GPSM1: variants seen among roughly 807,000 people sequenced by gnomAD.
The protein encoded by GPSM1 is G protein-signaling modulator 1.
Under a neutral mutation model 70.5 loss-of-function variants are expected in GPSM1, and 48 were observed. The ratio of observed to expected loss-of-function variants is 0.68; its 90% CI spans 0.54 to 0.87. GPSM1 has a LOEUF of 0.87. Ranked by LOEUF, GPSM1 falls within the 40% of genes least tolerant of loss-of-function variation. GPSM1 has a pLI of 0.00. For missense variants in GPSM1, 981 were observed against 972.6 expected, an observed-to-expected ratio of 1.01 and a Z score of -0.11; for synonymous variants, 416 against 430.1, an observed-to-expected ratio of 0.97 and a Z score of 0.41.
At chr9:136,337,816 G>A in intron 5 of GPSM1, 30 bp from the exon 6 acceptor site, 2 of 1,544,538 alleles carry the variant, frequency 1.3e-6, no homozygotes. Flanking sequence ...GCTGCGCCAT[G>A]ACCACCTGGC....
In GPSM1 at chr9:136,353,155, C is replaced by T. The variant is rs1026921159; in HGVS notation, c.1456-2535C>T. On this transcript the variant is annotated intron_variant, in intron 11 of 13. Transcript: ENST00000440944. ...TGCTGTGGAGACAGCCTGTGATCCG[C>T]GTGAGTCTGGGGTCCCTGGGGTCCT... The T allele has an allele frequency of 1.2e-4, 114 of 977,418 alleles. No individual in the cohort carries two copies. The African/African-American group carries it at 1.6e-3, about 13-fold the overall frequency. 60.5% of individuals were successfully genotyped at this position (977,418 alleles called of 1,614,324 possible).
Position 136,342,633 on chromosome 9 carries a change from C to G in GPSM1, c.1207+1640C>G, listed in dbSNP as rs1392177744. 6.6e-6 allele frequency among the ~76,000 whole-genome samples: 1 copy of G among 152,166 alleles called. No homozygotes were observed. The highest frequency in any genetic ancestry group is 1.5e-5 in the Non-Finnish European group (1 of 68,010). On this transcript the variant is annotated intron_variant, in intron 9 of 13. Transcript: ENST00000440944. The surrounding 1 kb of genome is among the most constrained non-coding windows in gnomAD (Gnocchi z 5.5). ...GGGTGAGACCCCGGCTCAGCTGAGC[C>G]TGGCAGGGACAGGGCCTTGAGGCCG...
At chr9:136,338,474 G>A in intron 6 of GPSM1, 81 bp from the exon 7 acceptor site, 1 of 1,360,958 alleles carries the variant, frequency 7.3e-7, no homozygotes, top group Non-Finnish European at 1.0e-6. Flanking sequence ...GGACCATCGG[G>A]CAGACTGCGT....
chr9:136,335,919 G>A (rs782175384), intron 2 of GPSM1, 47 bp from the exon 3 acceptor site: 1 of 1,596,570 alleles, frequency 6.3e-7, no homozygotes, highest in South Asian at 1.1e-5. Flanking sequence ...GGGCCCAGAG[G>A]CCTGACCAGT....
At position 136,343,047 on chromosome 9, in the gene GPSM1, T is replaced by G. The variant is rs1291905139; in HGVS notation, c.1207+2054T>G. The stretch of plus-strand genomic sequence containing the variant: ...GACAAAGAGCCTTGGCGCGGCTCAG[T>G]CAGCGTATTAATCTCACCGCCCTCT... On this transcript the variant is annotated intron_variant, in intron 9 of 13. Coordinates refer to ENST00000440944, the MANE Select transcript of GPSM1 (RefSeq NM_001145638.3). This position sits in a 1 kb window ranked among gnomAD's most constrained non-coding sequence, Gnocchi z 6.0. 6.6e-6 allele frequency among the ~76,000 whole-genome samples: 1 copy of G among 152,012 alleles called. No homozygotes were observed. The highest frequency in any genetic ancestry group is 1.5e-5 in the Non-Finnish European group (1 of 67,978).
intron 6 of GPSM1, among the ~76,000 whole-genome samples, chr9:136,338,256 A>AAACTT (rs1326288404): frequency 6.6e-6 from 1 of 152,188 alleles, no homozygotes; most frequent in Non-Finnish European, 1.5e-5. Flanking sequence ...GCCCAGCCCT[A>AAACTT]AACTTAACCC....
At chr9:136,334,351 AC>A (rs1159387813) in intron 1 of GPSM1, 95 bp from the exon 2 acceptor site, 1 of 816,658 alleles carries the variant, frequency 1.2e-6, no homozygotes, top group Non-Finnish European at 2.0e-6. Context: ...GCCCTAGCCC[AC>A]CCAGGGGCGT....
intron 1 of GPSM1, among the ~76,000 whole-genome samples, chr9:136,329,847 T>A (rs868961571): frequency 1.5e-5 from 2 of 132,610 alleles, no homozygotes; most frequent in South Asian, 5.0e-4. Flanking sequence ...GGGCCCTGGG[T>A]GCTGGGTCGG....
chr9:136,353,033 G>A, intron 11 of GPSM1: 2 of 949,104 alleles, frequency 2.1e-6, no homozygotes, highest in Middle Eastern at 1.1e-3. Flanking sequence ...CCAGCATTGA[G>A]GCAGCACTTG....
rs1832372035 is a variant in GPSM1 at position 136,340,887 on chromosome 9, G to A, written c.1101G>A (p.Gly367=). The A allele has an allele frequency of 1.3e-6, 2 of 1,574,996 alleles. No homozygotes were observed. The highest frequency in any genetic ancestry group is 1.7e-6 in the Non-Finnish European group (2 of 1,162,346). Residue 367 remains glycine (G), a synonymous_variant, in exon 9 of 14, where the codon GGG becomes GGA. Coordinates refer to ENST00000440944, the MANE Select transcript of GPSM1 (RefSeq NM_001145638.3). This position sits in a 1 kb window ranked among gnomAD's most constrained non-coding sequence, Gnocchi z 7.3. ...QISQEIGDRH[G]ELTARMNVAQ... ...CGCCGCAGATCGGGGACCGCCATGGGGAGCTCACGGCCCGCATGAACGTGG... is the reference window on the plus strand; with the variant it reads ...CGCCGCAGATCGGGGACCGCCATGGAGAGCTCACGGCCCGCATGAACGTGG...
At chr9:136,336,806 GC>G (rs1233930557) in intron 3 of GPSM1, 114 bp from the exon 4 acceptor site, 45 of 1,037,530 alleles carry the variant, frequency 4.3e-5, no homozygotes, top group Non-Finnish European at 5.8e-5. Context: ...CTCAGTGGGA[GC>G]CCCCAAGGCC....
At chr9:136,350,295 C>T (rs1289480006) in intron 11 of GPSM1, among the ~76,000 whole-genome samples, 1 of 152,244 alleles carries the variant, frequency 6.6e-6, no homozygotes, top group Non-Finnish European at 1.5e-5. Context: ...CCAGTGAGGT[C>T]AAGCCTGTGT....
In GPSM1 at chr9:136,349,652, C is replaced by T. The variant is rs782676617; in HGVS notation, c.1344C>T (p.Leu448=). 2.6e-6 allele frequency: 4 copies of T among 1,550,488 alleles called. No homozygotes were observed. Among genetic ancestry groups the T allele is most frequent in the Non-Finnish European group, 3.5e-6 (4 of 1,146,946 alleles). ...WRGPSRDSLP[L]PVRSRKYQEG... ...GGCCCAGCAGGGACTCGCTACCCCT[C>T]CCCGTGAGGAGCAGGAAGTACCAGG... is the stretch of plus-strand genomic sequence containing the variant. Residue 448 remains leucine, a synonymous_variant, in exon 11 of 14, where the codon CTC becomes CTT. Transcript: ENST00000440944.
chr9:136,349,910 T>C (rs1207169537), intron 11 of GPSM1, 147 bp downstream of exon 11: 1 of 737,330 alleles, frequency 1.4e-6, no homozygotes, highest in Admixed American at 2.9e-5. Flanking sequence ...GGTGCAGTGC[T>C]GTCCTGGGAC....
At chr9:136,345,177 C>T (rs192342282) in intron 9 of GPSM1, among the ~76,000 whole-genome samples, 2 of 152,302 alleles carry the variant, frequency 1.3e-5, no homozygotes, top group African/African-American at 2.4e-5. Context: ...CAGGGGGCAC[C>T]AAGATGCTCG....
rs532336267 is a variant in GPSM1 at position 136,340,347 on chromosome 9, C to A, written c.1084-523C>A. 2.0e-4 allele frequency among the ~76,000 whole-genome samples: 31 copies of A among 152,074 alleles called. No homozygotes were observed. Among genetic ancestry groups the A allele is most frequent in the Non-Finnish European group, 3.7e-4 (25 of 68,000 alleles). On this transcript the variant is annotated intron_variant, in intron 8 of 13. Transcript: ENST00000440944. This position sits in a 1 kb window ranked among gnomAD's most constrained non-coding sequence, Gnocchi z 7.3. ...GTCAGCAGAGCCCTCGTCTGAAGAG[C>A]TTCACTGGCAGCCAGCAGGCAGCCC...
At chr9:136,347,967 G>T (rs1554771515) in intron 9 of GPSM1, among the ~76,000 whole-genome samples, 1 of 152,244 alleles carries the variant, frequency 6.6e-6, no homozygotes, top group Non-Finnish European at 1.5e-5. Context: ...CTTGAAGGTG[G>T]GCCTGGCTGT....
chr9:136,338,727 G>A lies in GPSM1; in HGVS notation c.974+17G>A, dbSNP rs782792763. Reference sequence around the variant, plus strand: ...GGCCGACAGGTGCGTGGGCGCGGACGCGGCGGGCAGACCCGGCCCGGCCCA... The same window carrying A: ...GGCCGACAGGTGCGTGGGCGCGGACACGGCGGGCAGACCCGGCCCGGCCCA... On this transcript the variant is annotated intron_variant, in intron 7 of 13. Coordinates refer to ENST00000440944, the MANE Select transcript of GPSM1 (RefSeq NM_001145638.3). The A allele has an allele frequency of 5.0e-5, 76 of 1,534,714 alleles. No individual in the cohort carries two copies. The highest frequency in any genetic ancestry group is 2.1e-4 in the Middle Eastern group (1 of 4,670).
rs1832285102 is a variant in GPSM1, at chr9:136,337,853, C to CCATT, written c.711_714dup (p.Ala239HisfsTer3). The stretch of plus-strand genomic sequence containing the variant: ...TCCGGTGTGTCTCCGCAGCGCCTGG[C>CCATT]CATTGCTAAGGAGTTTGGAGACAAG... On this transcript the variant is annotated frameshift_variant, in exon 6 of 14. Coordinates refer to ENST00000440944, the MANE Select transcript of GPSM1 (RefSeq NM_001145638.3). LOFTEE classifies it high-confidence loss of function. 24 of 1,610,284 alleles carry CCATT rather than the reference C, an allele frequency of 1.5e-5. No individual in the cohort carries two copies. The highest frequency in any genetic ancestry group is 2.0e-5 in the Non-Finnish European group (24 of 1,177,732).
Sources: allele counts gnomAD v4.1 joint callset (sites outside exome capture counted in the v4.1 genomes callset), GRCh38; gene constraint gnomAD v4.1.1; non-coding constraint Gnocchi (gnomAD v3.1); transcripts MANE v1.5; gene names NCBI Gene and HGNC (gene_info 2026-07-23, HGNC 2026-07-21).